Variants in PSEN1 observed in about 807,000 individuals in gnomAD.
PSEN1 encodes presenilin 1.
PSEN1 carries 15 observed loss-of-function variants against 53.5 expected under a neutral mutation model. The observed-to-expected ratio is 0.28, with a 90% CI of 0.19 to 0.43. The LOEUF (loss-of-function observed/expected upper bound fraction) is 0.43. Among genes scored for constraint, PSEN1 ranks in the 20% least tolerant of loss-of-function variants. The probability of loss-of-function intolerance (pLI) is 1.00; values close to 1 mark genes in which losing one functional copy is unlikely to be tolerated. For missense variants in PSEN1, 387 were observed against 571.2 expected (o/e 0.68, Z 3.29); for synonymous variants, 208 against 209.8 (o/e 0.99, Z 0.08).
chr14:73,189,174 C>T (rs192001236), intron 6 of PSEN1, among the ~76,000 whole-genome samples: 67 of 152,188 alleles, frequency 4.4e-4, no homozygotes, highest in Non-Finnish European at 1.8e-4. Context: ...GAAAGAAATA[C>T]GAACTATATA....
chr14:73,204,142 A>G (rs1899349033), intron 8 of PSEN1, among the ~76,000 whole-genome samples: 1 of 151,962 alleles, frequency 6.6e-6, no homozygotes, highest in Non-Finnish European at 1.5e-5. Flanking sequence ...GGGATTATAG[A>G]CATGCACCAC....
At chr14:73,156,852 T>C (rs1278159072) in intron 3 of PSEN1, among the ~76,000 whole-genome samples, 1 of 151,992 alleles carries the variant, frequency 6.6e-6, no homozygotes, top group Non-Finnish European at 1.5e-5. Context: ...TTAGTAGAGA[T>C]GGGGTTTCAC....
At chr14:73,191,467 A>G (rs968494108) in intron 6 of PSEN1, among the ~76,000 whole-genome samples, 10 of 152,230 alleles carry the variant, frequency 6.6e-5, no homozygotes, top group African/African-American at 2.2e-4. Context: ...TTATTTAAGC[A>G]TAAACTTTGG....
chr14:73,216,420 CT>C (rs1899916809), intron 10 of PSEN1, among the ~76,000 whole-genome samples: 1 of 152,086 alleles, frequency 6.6e-6, no homozygotes, highest in South Asian at 2.1e-4. Context: ...TGAATCATGT[CT>C]TCCAGTTTTA....
chr14:73,180,954 G>A (rs1032101374), intron 5 of PSEN1, among the ~76,000 whole-genome samples: 1 of 152,156 alleles, frequency 6.6e-6, no homozygotes, highest in Non-Finnish European at 1.5e-5. Flanking sequence ...CTTTGATTTA[G>A]TAATTTTGCT....
At chr14:73,177,356 C>T (rs1898075104) in intron 5 of PSEN1, among the ~76,000 whole-genome samples, 2 of 152,186 alleles carry the variant, frequency 1.3e-5, no homozygotes, top group African/African-American at 4.8e-5. Flanking sequence ...TCATTATCAT[C>T]AGTAGGACTG....
intron 1 of PSEN1, chr14:73,146,071 A>G (rs527437767): frequency 8.5e-5 from 13 of 152,182 alleles, no homozygotes; most frequent in African/African-American, 2.4e-4. Flanking sequence ...GTGCCACTAC[A>G]TTGCAGCCTG....
At chr14:73,164,489 A>T (rs903446688) in intron 3 of PSEN1, among the ~76,000 whole-genome samples, 2 of 152,232 alleles carry the variant, frequency 1.3e-5, no homozygotes, top group African/African-American at 2.4e-5. Flanking sequence ...TATGTGCCAG[A>T]CACCGTGAGA....
intron 8 of PSEN1, among the ~76,000 whole-genome samples, chr14:73,202,463 T>TATATA (rs1491391826): frequency 2.3e-3 from 24 of 10,236 alleles, no homozygotes; most frequent in African/African-American, 0.01. Flanking sequence ...TATATATATA[T>TATATA]TTTTTTTTTT....
rs577441009 is a variant in PSEN1 at position 73,196,993 on chromosome 14, C to T, written c.770-1038C>T. 1.6e-4 allele frequency among the ~76,000 whole-genome samples: 22 copies of T among 140,822 alleles called. 1 individual carries two copies. The South Asian group carries it at 2.8e-3, about 18-fold the overall frequency. The allele number at this position is 140,822 out of a possible 152,430, so 92.4% of individuals were successfully genotyped here. A position where few individuals can be genotyped will look rare whatever the true frequency, so the allele number is the denominator to read the frequency against. ...TATTGCCCAGGCTGGAGTGCAGTGGCGCAATCTCGGCGCACTGCAAGCTCC... is the reference window on the plus strand; with the variant it reads ...TATTGCCCAGGCTGGAGTGCAGTGGTGCAATCTCGGCGCACTGCAAGCTCC... On this transcript the variant is annotated intron_variant, in intron 7 of 11. Transcript: ENST00000324501.
intron 5 of PSEN1, among the ~76,000 whole-genome samples, chr14:73,181,892 A>C (rs1245530942): frequency 6.6e-6 from 1 of 151,710 alleles, no homozygotes. Context: ...TCCCACCTCA[A>C]CCTCCATGGT....
chr14:73,137,698 G>A (rs1896784638), intron 1 of PSEN1, among the ~76,000 whole-genome samples: 1 of 152,156 alleles, frequency 6.6e-6, no homozygotes, highest in South Asian at 2.1e-4. Context: ...GGGGAGGGAA[G>A]CTTCAGGAAG....
At chr14:73,183,358 A>G (rs1358610015) in intron 5 of PSEN1, among the ~76,000 whole-genome samples, 1 of 151,850 alleles carries the variant, frequency 6.6e-6, no homozygotes, top group Non-Finnish European at 1.5e-5. Flanking sequence ...GGGATTTGGC[A>G]GGGTCATAGG....
At chr14:73,183,334 G>GT (rs1256354487) in intron 5 of PSEN1, among the ~76,000 whole-genome samples, 2 of 151,628 alleles carry the variant, frequency 1.3e-5, no homozygotes, top group Non-Finnish European at 2.9e-5. Context: ...ATTCTTGGGT[G>GT]TTTCTCACAG....
At chr14:73,186,309 G>A (rs1436342201) in intron 5 of PSEN1, among the ~76,000 whole-genome samples, 1 of 152,124 alleles carries the variant, frequency 6.6e-6, no homozygotes, top group African/African-American at 2.4e-5. Flanking sequence ...AACCCTGGAG[G>A]CGGAGGTTGC....
At chr14:73,176,728 C>T (rs118140704) in intron 5 of PSEN1, among the ~76,000 whole-genome samples, 1 of 152,308 alleles carries the variant, frequency 6.6e-6, no homozygotes, top group East Asian at 1.9e-4. Flanking sequence ...TAATTAAACA[C>T]TAGTTCTTTG....
rs1202646746 is a variant in PSEN1 at position 73,221,053 on chromosome 14, T to C, written c.*1764T>C. ...GGGGCTGTCTTTGGTGTTTAGAATA[T>C]TTGTTTTCTGTCCCAGGATATTTCT... On this transcript the variant is annotated 3_prime_UTR_variant, in exon 12 of 12. Transcript: ENST00000324501. The C allele has an allele frequency of 8.5e-5, 13 of 152,220 alleles. No individual in the cohort carries two copies. Among genetic ancestry groups the C allele is most frequent in the Admixed American group, 7.9e-4 (12 of 15,270 alleles). 9.4% of individuals were successfully genotyped at this position (152,220 alleles called of 1,614,324 possible). A position where few individuals can be genotyped will look rare whatever the true frequency, so the allele number is the denominator to read the frequency against.
At chr14:73,188,951 C>T (rs1171169346) in intron 6 of PSEN1, among the ~76,000 whole-genome samples, 5 of 152,042 alleles carry the variant, frequency 3.3e-5, no homozygotes, top group African/African-American at 2.4e-5. Flanking sequence ...CCACTATGCC[C>T]GGCTAATTTT....
intron 3 of PSEN1, among the ~76,000 whole-genome samples, chr14:73,156,998 T>C (rs999299472): frequency 6.6e-6 from 1 of 151,884 alleles, no homozygotes; most frequent in Non-Finnish European, 1.5e-5. Context: ...ATACCATGCA[T>C]GCTTAAGTCA....
Sources: gnomAD v4.1 joint callset for allele counts (sites outside exome capture counted in the v4.1 genomes callset) on GRCh38, gnomAD v4.1.1 for gene constraint, MANE v1.5 for transcripts, NCBI Gene and HGNC (gene_info 2026-07-23, HGNC 2026-07-21) for gene names.